The following ASIC2 variants were observed in gnomAD, a reference collection of about 807,000 sequenced individuals.
The protein encoded by ASIC2 is acid-sensing ion channel 2.
In ASIC2, 25 loss-of-function variants were observed where a neutral mutation model predicts 57.3. The ratio of observed to expected loss-of-function variants is 0.44; its 90% CI spans 0.32 to 0.61. The LOEUF (loss-of-function observed/expected upper bound fraction) is 0.61, where lower values mean the gene tolerates loss of function less well. Ranked by LOEUF, ASIC2 falls within the 20% of genes least tolerant of loss-of-function variation. ASIC2 has a pLI of 0.06. For missense variants in ASIC2, 641 were observed against 738.1 expected, an observed-to-expected ratio of 0.87 and a Z score of 1.52; for synonymous variants, 319 against 307.5, an observed-to-expected ratio of 1.04 and a Z score of -0.39.
intron 1 of ASIC2, among the ~76,000 whole-genome samples, chr17:33,907,010 G>C (rs1351034191): frequency 6.6e-6 from 1 of 152,104 alleles, no homozygotes; most frequent in African/African-American, 2.4e-5. Context: ...TTGGGTTTTA[G>C]GTTCTATCTA....
At position 33,292,183 on chromosome 17, in the gene ASIC2, A is replaced by G; in HGVS notation, c.-68T>C. The G allele has an allele frequency of 9.9e-7, 1 of 1,012,316 alleles. No individual in the cohort carries two copies. Among genetic ancestry groups the G allele is most frequent in the South Asian group, 4.6e-5 (1 of 21,676 alleles). 62.7% of individuals were successfully genotyped at this position (1,012,316 alleles called of 1,614,324 possible). On this transcript the variant is annotated 5_prime_UTR_variant, in exon 1 of 10. Coordinates refer to ENST00000225823, the MANE Select transcript of ASIC2 (RefSeq NM_183377.2). ...GGGCGGAGCCGCCATGGGAGTCCGC[A>G]GCAGCAGTGGAAGCAGCAGCAGCGG... is the stretch of plus-strand genomic sequence containing the variant.
At chr17:34,112,525 G>T (rs1263780633) in intron 1 of ASIC2, among the ~76,000 whole-genome samples, 1 of 151,750 alleles carries the variant, frequency 6.6e-6, no homozygotes, top group Non-Finnish European at 1.5e-5. Flanking sequence ...GCAGCCAAGG[G>T]AGATGGCTAA....
At chr17:33,337,316 T>A (rs1348894115) in intron 1 of ASIC2, among the ~76,000 whole-genome samples, 1 of 152,196 alleles carries the variant, frequency 6.6e-6, no homozygotes, top group African/African-American at 2.4e-5. Flanking sequence ...TTTATATACA[T>A]CAGCTCATTG....
chr17:33,221,961 T>G (rs1358681726), intron 1 of ASIC2, among the ~76,000 whole-genome samples: 1 of 152,250 alleles, frequency 6.6e-6, no homozygotes, highest in Non-Finnish European at 1.5e-5. Flanking sequence ...CCTCCCATCA[T>G]GCTTCAGGGC....
intron 1 of ASIC2, among the ~76,000 whole-genome samples, chr17:33,833,513 CGTGTGT>C (rs142945917): frequency 1.0e-4 from 15 of 149,290 alleles, no homozygotes; most frequent in Non-Finnish European, 1.5e-4. Context: ...TGTGTATGTG[CGTGTGT>C]GTGTGTGTGT....
rs138810559 is a variant in ASIC2 at position 33,241,203 on chromosome 17, T to C, written c.708+50205A>G. On this transcript the variant is annotated intron_variant, in intron 1 of 9. Transcript: ENST00000225823. ...GTTTCTCTTAAATGCCACCCTGTTT[T>C]ATGAATGGGTTAACTGAGTATTGGG... Among the ~76,000 whole-genome samples the C allele has an allele frequency of 7.2e-4, 110 of 152,336 alleles. 2 individuals are homozygous for C. In the East Asian group the frequency reaches 0.02, roughly 28 times the overall value.
At chr17:33,755,781 G>T (rs1480565957) in intron 1 of ASIC2, among the ~76,000 whole-genome samples, 1 of 152,166 alleles carries the variant, frequency 6.6e-6, no homozygotes, top group Admixed American at 6.5e-5. Flanking sequence ...ATACAGAGGG[G>T]ACCAAAGGAA....
chr17:33,698,320 A>G (rs916710858), intron 1 of ASIC2, among the ~76,000 whole-genome samples: 1 of 152,206 alleles, frequency 6.6e-6, no homozygotes, highest in Non-Finnish European at 1.5e-5. Context: ...CTTCATCTGC[A>G]CAATGGGGAG....
At chr17:33,858,190 C>A (rs941231338) in intron 1 of ASIC2, among the ~76,000 whole-genome samples, 1 of 152,232 alleles carries the variant, frequency 6.6e-6, no homozygotes, top group Non-Finnish European at 1.5e-5. Context: ...CCTTAGGTCA[C>A]CTACCCAGAG....
At chr17:33,500,691 G>T (rs905859058) in intron 1 of ASIC2, among the ~76,000 whole-genome samples, 2 of 152,206 alleles carry the variant, frequency 1.3e-5, no homozygotes, top group Non-Finnish European at 2.9e-5. Flanking sequence ...TGTGGGCAAC[G>T]TTCTGAAACT....
chr17:33,963,527 G>C (rs1485141979), intron 1 of ASIC2, among the ~76,000 whole-genome samples: 1 of 152,256 alleles, frequency 6.6e-6, no homozygotes, highest in Non-Finnish European at 1.5e-5. Flanking sequence ...ACTTAAATAT[G>C]CATTGGACAG....
At chr17:33,229,486 TG>T (rs1908010487) in intron 1 of ASIC2, among the ~76,000 whole-genome samples, 1 of 152,148 alleles carries the variant, frequency 6.6e-6, no homozygotes, top group Admixed American at 6.5e-5. Context: ...TGTTTCCACC[TG>T]TGGGAGGACG....
intron 1 of ASIC2, among the ~76,000 whole-genome samples, chr17:33,307,248 T>TCCA (rs1354841490): frequency 6.6e-6 from 1 of 151,268 alleles, no homozygotes; most frequent in Non-Finnish European, 1.5e-5. Flanking sequence ...TTCTTCTTCC[T>TCCA]CCTCCTCCTT....
At chr17:33,307,420 C>T (rs902931296) in intron 1 of ASIC2, among the ~76,000 whole-genome samples, 1 of 152,144 alleles carries the variant, frequency 6.6e-6, no homozygotes, top group African/African-American at 2.4e-5. Context: ...AGTCATTCTC[C>T]TGCTTAAGCC....
intron 1 of ASIC2, among the ~76,000 whole-genome samples, chr17:33,736,672 C>T (rs1482450093): frequency 1.3e-5 from 2 of 152,048 alleles, no homozygotes; most frequent in Non-Finnish European, 2.9e-5. Flanking sequence ...TATAAAGAAA[C>T]ATTTAATTGT....
At chr17:33,074,190 A>T (rs1234918132) in intron 3 of ASIC2, among the ~76,000 whole-genome samples, 1 of 152,242 alleles carries the variant, frequency 6.6e-6, no homozygotes, top group African/African-American at 2.4e-5. Context: ...TACTTTCAAT[A>T]GATGGAGGTG....
In ASIC2 at chr17:33,122,729, A is replaced by G. The variant is rs544582534; in HGVS notation, c.709-10662T>C. 4.6e-5 allele frequency among the ~76,000 whole-genome samples: 7 copies of G among 152,254 alleles called. No homozygotes were observed. The East Asian group carries it at 1.4e-3, about 29-fold the overall frequency. On this transcript the variant is annotated intron_variant, in intron 1 of 9. Coordinates refer to ENST00000225823, the MANE Select transcript of ASIC2 (RefSeq NM_183377.2). ...TTTGAAATATACACTCTTATTAACT[A>G]TAGTCACCATGCTGTGCAACAGAAT...
chr17:33,730,527 G>A (rs535498015), intron 1 of ASIC2, among the ~76,000 whole-genome samples: 2 of 152,218 alleles, frequency 1.3e-5, no homozygotes, highest in Admixed American at 6.5e-5. Flanking sequence ...GAATAGATAT[G>A]AGTGATCTAA....
At chr17:33,070,813 T>C (rs9906535) in intron 3 of ASIC2, among the ~76,000 whole-genome samples, 2,851 of 152,292 alleles carry the variant, frequency 0.019, 78 homozygotes, top group African/African-American at 0.064. Context: ...TGCTGGCTCT[T>C]CTGCTTTTAT....
Sources: gnomAD v4.1 joint callset for allele counts (sites outside exome capture counted in the v4.1 genomes callset) on GRCh38, gnomAD v4.1.1 for gene constraint, MANE v1.5 for transcripts, NCBI Gene and HGNC (gene_info 2026-07-23, HGNC 2026-07-21) for gene names.